ARIH1: variants seen among roughly 807,000 people sequenced by gnomAD.
ARIH1 encodes the protein ariadne RBR E3 ubiquitin protein ligase 1.
ARIH1 carries 8 observed loss-of-function variants against 85.0 expected under a neutral mutation model. The ratio of observed to expected loss-of-function variants is 0.09; its 90% CI spans 0.06 to 0.17. The LOEUF (loss-of-function observed/expected upper bound fraction) is 0.17. Among genes scored for constraint, ARIH1 ranks in the 10% least tolerant of loss-of-function variants. The pLI, the probability that ARIH1 is intolerant of heterozygous loss-of-function variation, is 1.00. For synonymous variants in ARIH1, 238 were observed against 253.6 expected (o/e 0.94, Z 0.59); for missense variants, 311 against 718.1 (o/e 0.43, Z 6.48).
chr15:72,482,838 T>TC (rs1411439879), intron 1 of ARIH1, among the ~76,000 whole-genome samples: 1 of 61,814 alleles, frequency 1.6e-5, no homozygotes, highest in Admixed American at 2.9e-4. Flanking sequence ...TCTCTCTCTC[T>TC]CTTTTTTTTT....
At chr15:72,532,020 T>C (rs114126109) in intron 2 of ARIH1, among the ~76,000 whole-genome samples, 2,364 of 152,188 alleles carry the variant, frequency 0.016, 57 homozygotes, top group Admixed American at 0.057. Flanking sequence ...AGCATTCATC[T>C]TAAAAGTCTC....
intron 2 of ARIH1, among the ~76,000 whole-genome samples, chr15:72,523,939 CTTTTTTTT>C (rs397853910): frequency 6.5e-5 from 4 of 61,720 alleles, no homozygotes; most frequent in Non-Finnish European, 1.2e-4. Flanking sequence ...ACTTTTACAT[CTTTTTTTT>C]TTTTTTTTTT....
chr15:72,493,465 A>C (rs1168635166), intron 1 of ARIH1, among the ~76,000 whole-genome samples: 1 of 152,224 alleles, frequency 6.6e-6, no homozygotes, highest in Non-Finnish European at 1.5e-5. Flanking sequence ...AATATCAGGC[A>C]GATCTGTTTG....
chr15:72,556,963 C>T (rs1595869291), intron 5 of ARIH1, among the ~76,000 whole-genome samples: 1 of 152,250 alleles, frequency 6.6e-6, no homozygotes, highest in Non-Finnish European at 1.5e-5. Flanking sequence ...ATCCAGTCCA[C>T]TGTTGATGGG....
At chr15:72,561,441 T>G (rs1454401864) in intron 5 of ARIH1, 42 bp from the exon 6 acceptor site, 1 of 1,407,446 alleles carries the variant, frequency 7.1e-7, no homozygotes, top group Non-Finnish European at 1.0e-6. Flanking sequence ...GAAAATACTC[T>G]TGACTGGAAA....
At chr15:72,494,921 G>C (rs892043705) in intron 1 of ARIH1, among the ~76,000 whole-genome samples, 2 of 152,030 alleles carry the variant, frequency 1.3e-5, no homozygotes, top group Non-Finnish European at 2.9e-5. Context: ...GACTTCGTAT[G>C]TAAATTTGAT....
chr15:72,563,267 C>G, intron 6 of ARIH1, 127 bp from the exon 7 acceptor site: 1 of 682,772 alleles, frequency 1.5e-6, no homozygotes. Context: ...CTATGTTGCC[C>G]GGGCTGGTCT....
At chr15:72,563,045 C>T (rs2140432767) in intron 6 of ARIH1, among the ~76,000 whole-genome samples, 1 of 152,232 alleles carries the variant, frequency 6.6e-6, no homozygotes, top group Non-Finnish European at 1.5e-5. Flanking sequence ...GCATCATGAC[C>T]TAATTTAATT....
rs1383068833 is a variant in ARIH1, at chr15:72,593,612, T to A, written c.*10320T>A. The stretch of plus-strand genomic sequence containing the variant: ...CATTAGATTGACTTGGTAGCTTGGT[T>A]AAAAATTGATCACGTGTGTGTGTAT... On this transcript the variant is annotated 3_prime_UTR_variant, in exon 14 of 14. Transcript: ENST00000379887. The A allele has an allele frequency of 1.3e-5, 2 of 152,226 alleles. No homozygotes were observed. Among genetic ancestry groups the A allele is most frequent in the Admixed American group, 1.3e-4 (2 of 15,290 alleles). 9.4% of individuals were successfully genotyped at this position (152,226 alleles called of 1,614,324 possible). A position where few individuals can be genotyped will look rare whatever the true frequency, so the allele number is the denominator to read the frequency against.
chr15:72,570,590 A>G (rs1407939853), intron 10 of ARIH1, among the ~76,000 whole-genome samples: 1 of 152,216 alleles, frequency 6.6e-6, no homozygotes. Context: ...GAGCAAAGGT[A>G]GAATGTTGTG....
chr15:72,554,793 G>A (rs777661535), intron 3 of ARIH1, among the ~76,000 whole-genome samples: 2 of 152,030 alleles, frequency 1.3e-5, no homozygotes, highest in African/African-American at 2.4e-5. Context: ...TCACTCCTTT[G>A]CCCAGGCTGG....
chr15:72,541,428 A>G (rs947475348), intron 2 of ARIH1, among the ~76,000 whole-genome samples: 3 of 152,234 alleles, frequency 2.0e-5, no homozygotes, highest in African/African-American at 7.2e-5. Context: ...AGTAAATTAA[A>G]AGATACTTTG....
intron 2 of ARIH1, among the ~76,000 whole-genome samples, chr15:72,523,939 C>CTTTTTTTTTTTTTTTTTTTTTTTTTTTT (rs397853910): frequency 1.6e-5 from 1 of 61,672 alleles, no homozygotes; most frequent in African/African-American, 5.5e-5. Flanking sequence ...ACTTTTACAT[C>CTTTTTTTTTTTTTTTTTTTTTTTTTTTT]TTTTTTTTTT....
intron 3 of ARIH1, among the ~76,000 whole-genome samples, chr15:72,550,881 A>G (rs1302582677): frequency 6.6e-6 from 1 of 152,092 alleles, no homozygotes; most frequent in African/African-American, 2.4e-5. Context: ...CATGTTGGCC[A>G]GGTTGGTCTT....
chr15:72,508,716 C>A (rs779668340), intron 1 of ARIH1, among the ~76,000 whole-genome samples: 55 of 142,484 alleles, frequency 3.9e-4, no homozygotes, highest in Non-Finnish European at 5.9e-4. Context: ...TTTTTTGAGA[C>A]GGAGTCTCTC....
At chr15:72,544,544 T>TTACA (rs1406923636) in intron 2 of ARIH1, among the ~76,000 whole-genome samples, 2 of 151,406 alleles carry the variant, frequency 1.3e-5, no homozygotes, top group Non-Finnish European at 2.9e-5. Context: ...GTCTACTAGT[T>TTACA]TACATACATA....
At position 72,474,487 on chromosome 15, in the gene ARIH1, A is replaced by G; in HGVS notation, c.-153A>G. Reference sequence around the variant, plus strand: ...CCGCCGCCACCAGCCGTCAAACGCCAACCGCCGCTCCTGGGGAGGAGCCGC... The same window carrying G: ...CCGCCGCCACCAGCCGTCAAACGCCGACCGCCGCTCCTGGGGAGGAGCCGC... On this transcript the variant is annotated 5_prime_UTR_variant, in exon 1 of 14. Transcript: ENST00000379887. 1.9e-6 allele frequency: 2 copies of G among 1,049,420 alleles called. No homozygotes were observed. Among genetic ancestry groups the G allele is most frequent in the Non-Finnish European group, 2.6e-6 (2 of 766,626 alleles). 65.0% of individuals were successfully genotyped at this position (1,049,420 alleles called of 1,614,324 possible).
intron 1 of ARIH1, among the ~76,000 whole-genome samples, chr15:72,507,782 G>C (rs1355567162): frequency 1.3e-5 from 2 of 152,226 alleles, no homozygotes; most frequent in African/African-American, 4.8e-5. Flanking sequence ...TAAAGCTTCA[G>C]CTAGGACAGT....
chr15:72,578,489 A>T (rs1332479053), intron 11 of ARIH1, among the ~76,000 whole-genome samples: 4 of 152,144 alleles, frequency 2.6e-5, no homozygotes. Flanking sequence ...ATAAGTTTTG[A>T]TAAATCTCAA....
Sources: allele counts gnomAD v4.1 joint callset (sites outside exome capture counted in the v4.1 genomes callset), GRCh38; gene constraint gnomAD v4.1.1; transcripts MANE v1.5; gene names NCBI Gene and HGNC (gene_info 2026-07-23, HGNC 2026-07-21).